The following ATP6V1C2 variants were observed in gnomAD, a reference collection of about 807,000 sequenced individuals.
The protein encoded by ATP6V1C2 is V-type proton ATPase subunit C 2.
Under a neutral mutation model 56.8 loss-of-function variants are expected in ATP6V1C2, and 45 were observed. That is an observed-to-expected ratio of 0.79 (90% CI 0.62 to 1.02). ATP6V1C2 has a LOEUF of 1.02. Among genes scored for constraint, ATP6V1C2 ranks in the 50% least tolerant of loss-of-function variants. The pLI is 0.00. For synonymous variants in ATP6V1C2, 220 were observed against 201.3 expected, an observed-to-expected ratio of 1.09 and a Z score of -0.79; for missense variants, 463 against 519.7, an observed-to-expected ratio of 0.89 and a Z score of 1.06.
At chr2:10,762,577 C>T (rs956490706) in intron 4 of ATP6V1C2, among the ~76,000 whole-genome samples, 2 of 152,182 alleles carry the variant, frequency 1.3e-5, no homozygotes, top group Non-Finnish European at 2.9e-5. Context: ...CACGTGCTGG[C>T]ATTTCTTCCC....
intron 3 of ATP6V1C2, among the ~76,000 whole-genome samples, chr2:10,729,020 C>T (rs543189648): frequency 6.7e-6 from 1 of 149,320 alleles, no homozygotes; most frequent in Non-Finnish European, 1.5e-5. Flanking sequence ...ATCCCAGCTA[C>T]TCGGGAGGCT....
intron 8 of ATP6V1C2, among the ~76,000 whole-genome samples, chr2:10,773,625 C>T (rs1016248861): frequency 1.1e-4 from 16 of 152,294 alleles, no homozygotes; most frequent in African/African-American, 3.4e-4. Context: ...TCAGGTGATC[C>T]GCCTGCCTCA....
intron 3 of ATP6V1C2, among the ~76,000 whole-genome samples, chr2:10,747,231 G>T (rs1662966733): frequency 6.6e-6 from 1 of 152,146 alleles, no homozygotes; most frequent in African/African-American, 2.4e-5. Context: ...TCACACCATT[G>T]CACTCAAGCT....
intron 4 of ATP6V1C2, among the ~76,000 whole-genome samples, chr2:10,754,294 T>C (rs1041407392): frequency 2.6e-5 from 4 of 152,088 alleles, no homozygotes; most frequent in South Asian, 2.1e-4. Flanking sequence ...GGTGCAATCT[T>C]GGCTCACTGC....
chr2:10,766,284 C>A (rs1664215580), intron 5 of ATP6V1C2, among the ~76,000 whole-genome samples: 1 of 152,168 alleles, frequency 6.6e-6, no homozygotes, highest in African/African-American at 2.4e-5. Flanking sequence ...GTGTGACACC[C>A]CCCGCCTCAG....
At chr2:10,759,824 A>G (rs1341593703) in intron 4 of ATP6V1C2, among the ~76,000 whole-genome samples, 1 of 152,148 alleles carries the variant, frequency 6.6e-6, no homozygotes, top group Non-Finnish European at 1.5e-5. Context: ...ATTATCTCAC[A>G]ATATCACTTT....
intron 3 of ATP6V1C2, among the ~76,000 whole-genome samples, chr2:10,727,509 T>C (rs2148407990): frequency 6.6e-6 from 1 of 152,070 alleles, no homozygotes; most frequent in East Asian, 1.9e-4. Flanking sequence ...TGAGCTATGG[T>C]TGTGCCACTG....
chr2:10,733,692 A>G (rs1341081405), intron 3 of ATP6V1C2, among the ~76,000 whole-genome samples: 2 of 151,778 alleles, frequency 1.3e-5, no homozygotes, highest in Non-Finnish European at 2.9e-5. Context: ...CCTTCACAGT[A>G]TCTTAGCCTG....
intron 3 of ATP6V1C2, among the ~76,000 whole-genome samples, chr2:10,751,304 G>C (rs780719354): frequency 2.6e-5 from 4 of 152,046 alleles, no homozygotes; most frequent in Non-Finnish European, 4.4e-5. Context: ...GTCCACCCAG[G>C]TTGCCTAGAG....
At chr2:10,777,806 C>T (rs920485228) in intron 11 of ATP6V1C2, 84 bp downstream of exon 11, 2 of 1,495,702 alleles carry the variant, frequency 1.3e-6, no homozygotes, top group Non-Finnish European at 1.8e-6. Context: ...TGAATCCTTG[C>T]ATTTTTCTGT....
At chr2:10,769,488 G>C (rs1477769355) in intron 6 of ATP6V1C2, among the ~76,000 whole-genome samples, 1 of 152,160 alleles carries the variant, frequency 6.6e-6, no homozygotes, top group Non-Finnish European at 1.5e-5. Context: ...CGGATTACGT[G>C]AGGCCAAAAG....
Position 10,782,319 on chromosome 2 carries a change from G to A in ATP6V1C2, c.1138G>A (p.Val380Ile), listed in dbSNP as rs757015593. ...GTCATCCACCAAGCGTTTAAGAGAG[G>A]TTCTAAACTCTGTCTTCCGACATCT... ...KKSSTKRLRE[V>I]LNSVFRHLDE... The change falls in exon 13 of 14, where the codon GTT becomes ATT. Residue 380 changes from valine to isoleucine, a missense_variant. Transcript: ENST00000272238. 1 of 1,614,060 alleles carries A rather than the reference G, an allele frequency of 6.2e-7. No homozygotes were observed. Among genetic ancestry groups the A allele is most frequent in the African/African-American group, 1.3e-5 (1 of 74,922 alleles).
intron 4 of ATP6V1C2, among the ~76,000 whole-genome samples, chr2:10,754,497 A>G (rs1215076370): frequency 6.6e-6 from 1 of 152,052 alleles, no homozygotes; most frequent in African/African-American, 2.4e-5. Flanking sequence ...AAGTACTGTG[A>G]TTACAGGCGT....
chr2:10,722,691 C>A, intron 1 of ATP6V1C2, 133 bp from the exon 2 acceptor site: 4 of 1,012,320 alleles, frequency 4.0e-6, no homozygotes, highest in Non-Finnish European at 4.3e-6. Context: ...AAGAGCTTTG[C>A]TTTTGCAAAT....
At chr2:10,777,272 G>A (rs1665055902) in intron 10 of ATP6V1C2, among the ~76,000 whole-genome samples, 1 of 152,242 alleles carries the variant, frequency 6.6e-6, no homozygotes, top group South Asian at 2.1e-4. Context: ...TGCTGTCCTG[G>A]TCGGCCTGCG....
chr2:10,778,715 A>G, intron 12 of ATP6V1C2, 46 bp downstream of exon 12: 1 of 1,596,298 alleles, frequency 6.3e-7, no homozygotes. Flanking sequence ...GAGGATGGGC[A>G]GGGTCTGGGG....
At chr2:10,748,159 G>A (rs191316191) in intron 3 of ATP6V1C2, among the ~76,000 whole-genome samples, 3 of 152,338 alleles carry the variant, frequency 2.0e-5, no homozygotes, top group Non-Finnish European at 4.4e-5. Flanking sequence ...GCCTCCCAAA[G>A]TGCTGGGATT....
At chr2:10,745,202 A>AT (rs1427774462) in intron 3 of ATP6V1C2, among the ~76,000 whole-genome samples, 2 of 144,034 alleles carry the variant, frequency 1.4e-5, no homozygotes, top group Admixed American at 7.0e-5. Flanking sequence ...CACCCAGCTA[A>AT]TTTTTTTGTA....
At chr2:10,752,399 CT>C (rs1663271751) in intron 3 of ATP6V1C2, among the ~76,000 whole-genome samples, 1 of 152,122 alleles carries the variant, frequency 6.6e-6, no homozygotes, top group Non-Finnish European at 1.5e-5. Flanking sequence ...AGTGGAAGAC[CT>C]TGTACTCCAT....
Sources: allele counts gnomAD v4.1 joint callset (sites outside exome capture counted in the v4.1 genomes callset), GRCh38; gene constraint gnomAD v4.1.1; transcripts MANE v1.5; gene names NCBI Gene and HGNC (gene_info 2026-07-23, HGNC 2026-07-21).